The following HTATIP2 variants were observed in gnomAD, a reference collection of about 807,000 sequenced individuals.
The protein encoded by HTATIP2 is protein HTATIP2.
Under a neutral mutation model 24.7 loss-of-function variants are expected in HTATIP2, and 26 were observed. That is an observed-to-expected ratio of 1.05 (90% CI 0.77 to 1.46). HTATIP2 has a LOEUF of 1.46. HTATIP2 is among the 40% of genes most tolerant of loss of function. HTATIP2 has a pLI of 0.00. For missense variants in HTATIP2, 284 were observed against 289.6 expected, an observed-to-expected ratio of 0.98 and a Z score of 0.14; for synonymous variants, 99 against 113.2, an observed-to-expected ratio of 0.87 and a Z score of 0.79.
intron 3 of HTATIP2, among the ~76,000 whole-genome samples, chr11:20,378,247 T>A (rs964044828): frequency 3.3e-5 from 5 of 152,118 alleles, no homozygotes; most frequent in African/African-American, 9.7e-5. Context: ...ACATGAAGAA[T>A]GGAAAAGTTT....
At chr11:20,377,617 A>G (rs192127970) in intron 3 of HTATIP2, among the ~76,000 whole-genome samples, 163 of 152,310 alleles carry the variant, frequency 1.1e-3, no homozygotes, top group Non-Finnish European at 1.9e-3. Context: ...TCAGCCATAG[A>G]CTTTTCCTAT....
chr11:20,383,126 C>T lies in HTATIP2; in HGVS notation c.650C>T (p.Pro217Leu). Residue 217 changes from proline to leucine, a missense_variant, in exon 5 of 5, where the codon CCA (proline) becomes CTA (leucine). Transcript: ENST00000451739. ...VRAMLNNVVR[P>L]RDKQMELLEN... is the part of the protein sequence containing the mutation. ...GCAATGCTGAACAATGTGGTGAGAC[C>T]AAGAGACAAGCAGATGGAACTGCTG... 1 of 1,613,870 alleles carries T rather than the reference C, an allele frequency of 6.2e-7. No individual in the cohort carries two copies. The highest frequency in any genetic ancestry group is 8.5e-7 in the Non-Finnish European group (1 of 1,179,974).
chr11:20,368,418 T>C (rs1228481849), intron 2 of HTATIP2, among the ~76,000 whole-genome samples: 1 of 152,226 alleles, frequency 6.6e-6, no homozygotes, highest in Non-Finnish European at 1.5e-5. Context: ...TCTGCAGTTC[T>C]GCCTATCTGT....
At chr11:20,379,875 A>T (rs1848493966) in intron 3 of HTATIP2, among the ~76,000 whole-genome samples, 1 of 152,196 alleles carries the variant, frequency 6.6e-6, no homozygotes, top group South Asian at 2.1e-4. Flanking sequence ...GTTTCATAGG[A>T]CTCAGCATAT....
intron 4 of HTATIP2, among the ~76,000 whole-genome samples, chr11:20,382,662 C>T (rs1003558280): frequency 1.3e-5 from 2 of 152,260 alleles, no homozygotes; most frequent in African/African-American, 4.8e-5. Flanking sequence ...TCCTGGCTGG[C>T]AGACAGACCA....
intron 2 of HTATIP2, 25 bp downstream of exon 2, chr11:20,367,306 C>G (rs1383931783): frequency 2.5e-6 from 4 of 1,613,478 alleles, no homozygotes; most frequent in East Asian, 2.2e-5. Flanking sequence ...TGCTCTTTTC[C>G]CTTTTTGCTG....
intron 3 of HTATIP2, among the ~76,000 whole-genome samples, chr11:20,378,163 A>G (rs1246656526): frequency 6.6e-6 from 1 of 152,192 alleles, no homozygotes; most frequent in African/African-American, 2.4e-5. Flanking sequence ...CATGGCTTAT[A>G]GCTGAGCCAT....
intron 2 of HTATIP2, among the ~76,000 whole-genome samples, chr11:20,369,614 G>A (rs1232950246): frequency 6.6e-6 from 1 of 152,160 alleles, no homozygotes; most frequent in East Asian, 1.9e-4. Flanking sequence ...TCCTTGTCTT[G>A]TAGATGGCAG....
Position 20,364,346 on chromosome 11 carries a change from G to A in HTATIP2, c.109G>A (p.Glu37Lys), listed in dbSNP as rs202128953. 1 of 1,613,620 alleles carries A rather than the reference G, an allele frequency of 6.2e-7. No homozygotes were observed. Among genetic ancestry groups the A allele is most frequent in the Non-Finnish European group, 8.5e-7 (1 of 1,179,736 alleles). Residue 37 changes from glutamate (E) to lysine (K), a missense_variant, in exon 1 of 5, where the codon GAA becomes AAA. By Grantham distance (56) the Glu-to-Lys change is moderately conservative (BLOSUM62 1). Coordinates refer to ENST00000451739, the MANE Select transcript of HTATIP2 (RefSeq NM_001098522.2). ...SGETGRVLLK[E>K]ILEQGLFSKV... ...AGAAACCGGCAGAGTGCTCTTAAAG[G>A]AAATCCTGGAGCAGGGCCTGTTTTC... is the stretch of plus-strand genomic sequence containing the variant.
In HTATIP2 at chr11:20,383,283, C is replaced by A; in HGVS notation, c.*78C>A. On this transcript the variant is annotated 3_prime_UTR_variant, in exon 5 of 5. Transcript: ENST00000451739. Reference sequence around the variant, plus strand: ...GGTAATTTCAGGGTCTAAAAAAAGTCAGCATGTTTTAACTTTGTTGTTTTA... The same window carrying A: ...GGTAATTTCAGGGTCTAAAAAAAGTAAGCATGTTTTAACTTTGTTGTTTTA... The A allele has an allele frequency of 1.8e-6, 2 of 1,092,104 alleles. No individual in the cohort carries two copies. The highest frequency in any genetic ancestry group is 1.5e-5 in the South Asian group (1 of 67,968). 67.7% of individuals were successfully genotyped at this position (1,092,104 alleles called of 1,614,324 possible). A position where few individuals can be genotyped will look rare whatever the true frequency, so the allele number is the denominator to read the frequency against.
chr11:20,379,051 CA>C lies in HTATIP2; in HGVS notation c.441+2338del, dbSNP rs199767605. Among the ~76,000 whole-genome samples the C allele has an allele frequency of 6.8e-3, 446 of 65,800 alleles. 8 individuals are homozygous for C. In the East Asian group the frequency reaches 0.13, roughly 19 times the overall value. 43.2% of individuals were successfully genotyped at this position (65,800 alleles called of 152,430 possible). A position where few individuals can be genotyped will look rare whatever the true frequency, so the allele number is the denominator to read the frequency against. ...ACTCTGTCTCAAAAACAAAACAAAACAAAACAAACAACAACAACAACAACAA... is the reference window on the plus strand; with the variant it reads ...ACTCTGTCTCAAAAACAAAACAAAACAAACAAACAACAACAACAACAACAA... On this transcript the variant is annotated intron_variant, in intron 3 of 4. Coordinates refer to ENST00000451739, the MANE Select transcript of HTATIP2 (RefSeq NM_001098522.2).
chr11:20,366,099 CTT>C (rs746247166), intron 1 of HTATIP2, among the ~76,000 whole-genome samples: 1 of 108,686 alleles, frequency 9.2e-6, no homozygotes, highest in Non-Finnish European at 1.8e-5. Flanking sequence ...CTTTTCTTTT[CTT>C]TTTTTTTTTT....
At position 20,383,245 on chromosome 11, in the gene HTATIP2, C is replaced by G. The variant is rs995844406; in HGVS notation, c.*40C>G. On this transcript the variant is annotated 3_prime_UTR_variant, in exon 5 of 5. Coordinates refer to ENST00000451739, the MANE Select transcript of HTATIP2 (RefSeq NM_001098522.2). ...TGGTTTTTATTGTCAACCTTAACAC[C>G]CATCACCAAATCGGTAATTTCAGGG... 1.5e-5 allele frequency: 22 copies of G among 1,459,886 alleles called. 1 individual carries two copies. Among genetic ancestry groups the G allele is most frequent in the Non-Finnish European group, 3.8e-6 (4 of 1,055,518 alleles). The allele number at this position is 1,459,886 out of a possible 1,614,324, so 90.4% of individuals were successfully genotyped here.
At chr11:20,370,960 C>G (rs10741832) in intron 2 of HTATIP2, among the ~76,000 whole-genome samples, 1 of 152,206 alleles carries the variant, frequency 6.6e-6, no homozygotes, top group African/African-American at 2.4e-5. Context: ...ATATTTTTAA[C>G]TGGTTAAAAA....
At chr11:20,365,988 AAG>A (rs1237883401) in intron 1 of HTATIP2, among the ~76,000 whole-genome samples, 3 of 148,362 alleles carry the variant, frequency 2.0e-5, no homozygotes, top group African/African-American at 5.0e-5. Flanking sequence ...AAAAAAAAAA[AAG>A]AAAAGAAACA....
chr11:20,374,965 A>G (rs1294484790), intron 2 of HTATIP2, among the ~76,000 whole-genome samples: 3 of 152,108 alleles, frequency 2.0e-5, no homozygotes, highest in Non-Finnish European at 4.4e-5. Flanking sequence ...TCTTTGAGGG[A>G]CCATTATTCT....
chr11:20,367,911 GA>G (rs2064729636), intron 2 of HTATIP2, among the ~76,000 whole-genome samples: 1 of 152,164 alleles, frequency 6.6e-6, no homozygotes, highest in Non-Finnish European at 1.5e-5. Flanking sequence ...TACATAGTTA[GA>G]AATCAGAGTT....
chr11:20,363,834 G>T lies in HTATIP2; in HGVS notation c.-404G>T. 1 of 1,245,228 alleles carries T rather than the reference G, an allele frequency of 8.0e-7. No homozygotes were observed. Among genetic ancestry groups the T allele is most frequent in the Non-Finnish European group, 1.0e-6 (1 of 990,936 alleles). The allele number at this position is 1,245,228 out of a possible 1,614,324, so 77.1% of individuals were successfully genotyped here. On this transcript the variant is annotated 5_prime_UTR_variant, in exon 1 of 5. Transcript: ENST00000451739. Reference sequence around the variant, plus strand: ...CTGATGGCCGGGCCTGCGGCGCTGAGCGCGGCGGCGGCGGCTGCTCTGGCG... The same window carrying T: ...CTGATGGCCGGGCCTGCGGCGCTGATCGCGGCGGCGGCGGCTGCTCTGGCG...
Position 20,382,184 on chromosome 11 carries a change from G to A in HTATIP2, c.448G>A (p.Val150Ile). Reference sequence around the variant, plus strand: ...ATGTGTTTTTTCTTAATAGGGAGAAGTAGAAGCCAAGGTTGAAGAATTAAA... The same window carrying A: ...ATGTGTTTTTTCTTAATAGGGAGAAATAGAAGCCAAGGTTGAAGAATTAAA... ...NFLYLQVKGE[V>I]EAKVEELKFD... is the part of the protein sequence containing the mutation. Residue 150 changes from valine to isoleucine, a missense_variant, in exon 4 of 5, where the codon GTA becomes ATA. Transcript: ENST00000451739. The A allele has an allele frequency of 6.3e-7, 1 of 1,587,042 alleles. No individual in the cohort carries two copies. The highest frequency in any genetic ancestry group is 1.1e-5 in the South Asian group (1 of 90,428).
Sources: allele counts gnomAD v4.1 joint callset (sites outside exome capture counted in the v4.1 genomes callset), GRCh38; gene constraint gnomAD v4.1.1; transcripts MANE v1.5; gene names NCBI Gene and HGNC (gene_info 2026-07-23, HGNC 2026-07-21).